The following ATP8A2 variants were observed in gnomAD, a reference collection of about 807,000 sequenced individuals.
ATP8A2 encodes phospholipid-transporting ATPase IB.
In ATP8A2, 100 loss-of-function variants were observed where a neutral mutation model predicts 165.6. The observed-to-expected ratio is 0.60, with a 90% CI of 0.51 to 0.71. ATP8A2 has a LOEUF of 0.71. ATP8A2 is among the 30% of genes least tolerant of loss of function. The pLI is 0.00. For missense variants in ATP8A2, 1,227 were observed against 1,479.5 expected, an observed-to-expected ratio of 0.83 and a Z score of 2.80; for synonymous variants, 543 against 548.8, an observed-to-expected ratio of 0.99 and a Z score of 0.15.
intron 33 of ATP8A2, among the ~76,000 whole-genome samples, chr13:25,949,675 C>T (rs1376387685): frequency 1.3e-5 from 2 of 152,348 alleles, no homozygotes; most frequent in East Asian, 1.9e-4. Context: ...ATCCAGGTGC[C>T]TCTGCAGCCC....
chr13:25,700,690 G>C (rs899703331), intron 25 of ATP8A2, among the ~76,000 whole-genome samples: 1 of 152,118 alleles, frequency 6.6e-6, no homozygotes, highest in South Asian at 2.1e-4. Context: ...CTGTTTGGAC[G>C]TAGGTTTTCG....
At chr13:25,631,887 C>CTTGGTT (rs1360605691) in intron 24 of ATP8A2, among the ~76,000 whole-genome samples, 3 of 150,202 alleles carry the variant, frequency 2.0e-5, no homozygotes, top group African/African-American at 7.3e-5. Flanking sequence ...CATAGCAAAC[C>CTTGGTT]AAGCAGTTTT....
At chr13:25,958,575 G>A (rs909655159) in intron 33 of ATP8A2, among the ~76,000 whole-genome samples, 1 of 152,102 alleles carries the variant, frequency 6.6e-6, no homozygotes, top group Non-Finnish European at 1.5e-5. Flanking sequence ...CCCACCTGAC[G>A]CTCACTTTCC....
At chr13:25,997,154 G>A (rs1449339019) in intron 35 of ATP8A2, among the ~76,000 whole-genome samples, 3 of 152,192 alleles carry the variant, frequency 2.0e-5, no homozygotes, top group Admixed American at 6.5e-5. Context: ...CTGTAAGATC[G>A]TTCTGGTGGT....
intron 33 of ATP8A2, among the ~76,000 whole-genome samples, chr13:25,908,492 G>A (rs928982916): frequency 2.0e-5 from 3 of 152,152 alleles, no homozygotes; most frequent in South Asian, 2.1e-4. Flanking sequence ...AATAGACCAG[G>A]GTGTCCACAA....
chr13:25,598,565 C>T (rs758425750), intron 24 of ATP8A2, among the ~76,000 whole-genome samples: 1 of 152,130 alleles, frequency 6.6e-6, no homozygotes, highest in African/African-American at 2.4e-5. Flanking sequence ...GACTTGTGCA[C>T]GTCAAATTTG....
intron 34 of ATP8A2, among the ~76,000 whole-genome samples, chr13:25,964,849 G>A (rs1369628889): frequency 1.3e-5 from 2 of 152,166 alleles, no homozygotes; most frequent in Admixed American, 1.3e-4. Flanking sequence ...AACTTTGGTG[G>A]TTATCACTCT....
At chr13:25,583,022 T>C (rs1432831319) in intron 23 of ATP8A2, among the ~76,000 whole-genome samples, 1 of 152,220 alleles carries the variant, frequency 6.6e-6, no homozygotes, top group Admixed American at 6.5e-5. Flanking sequence ...CCATAGACTT[T>C]GTCCCTGGAT....
At chr13:25,850,448 G>C (rs1218436929) in intron 30 of ATP8A2, among the ~76,000 whole-genome samples, 3 of 129,018 alleles carry the variant, frequency 2.3e-5, no homozygotes, top group Non-Finnish European at 4.6e-5. Context: ...CTTTTTGCCT[G>C]AAATGTTCTT....
At chr13:25,961,446 G>A in intron 33 of ATP8A2, 129 bp from the exon 34 acceptor site, 1 of 722,558 alleles carries the variant, frequency 1.4e-6, no homozygotes, top group Non-Finnish European at 2.4e-6. Flanking sequence ...CCAGTGCATG[G>A]GTTACCTCTC....
intron 33 of ATP8A2, among the ~76,000 whole-genome samples, chr13:25,902,472 T>C (rs1311376087): frequency 6.6e-6 from 1 of 152,072 alleles, no homozygotes; most frequent in Non-Finnish European, 1.5e-5. Flanking sequence ...AGTATAAATA[T>C]TATGTATCTG....
intron 33 of ATP8A2, among the ~76,000 whole-genome samples, chr13:25,901,956 C>T (rs560759771): frequency 6.6e-6 from 1 of 152,292 alleles, no homozygotes; most frequent in Admixed American, 6.5e-5. Context: ...ATTAGCTGAC[C>T]TACCAAATCT....
At chr13:25,583,461 T>G (rs541476332) in intron 23 of ATP8A2, among the ~76,000 whole-genome samples, 4 of 152,332 alleles carry the variant, frequency 2.6e-5, no homozygotes, top group Admixed American at 2.6e-4. Context: ...GCGTTCCCGC[T>G]GGCCTAATAA....
At chr13:25,970,955 T>C (rs1955897474) in intron 35 of ATP8A2, among the ~76,000 whole-genome samples, 1 of 152,220 alleles carries the variant, frequency 6.6e-6, no homozygotes, top group African/African-American at 2.4e-5. Flanking sequence ...TTGAAAGTCT[T>C]ATTTTCTGGT....
chr13:25,394,187 A>C (rs566093339), intron 1 of ATP8A2, among the ~76,000 whole-genome samples: 21 of 152,312 alleles, frequency 1.4e-4, no homozygotes, highest in Admixed American at 1.3e-3. Context: ...TACAGCCTGT[A>C]GATGAGCTTG....
chr13:25,744,150 T>A (rs1356972382), intron 25 of ATP8A2, among the ~76,000 whole-genome samples: 1 of 152,246 alleles, frequency 6.6e-6, no homozygotes, highest in Non-Finnish European at 1.5e-5. Flanking sequence ...GTGAATTTTC[T>A]TTGGCAATTG....
chr13:25,516,051 A>G (rs1325872332), intron 2 of ATP8A2, among the ~76,000 whole-genome samples: 2 of 152,236 alleles, frequency 1.3e-5, no homozygotes, highest in African/African-American at 4.8e-5. Context: ...TAACTCTACA[A>G]CATGAGGGAC....
intron 24 of ATP8A2, among the ~76,000 whole-genome samples, chr13:25,612,593 A>G (rs1297401003): frequency 1.3e-5 from 2 of 152,166 alleles, no homozygotes; most frequent in African/African-American, 4.8e-5. Context: ...GTGCTGATGA[A>G]TAGAATTTAT....
chr13:25,897,645 C>T (rs1953600549), intron 33 of ATP8A2, among the ~76,000 whole-genome samples: 1 of 152,178 alleles, frequency 6.6e-6, no homozygotes, highest in African/African-American at 2.4e-5. Context: ...AACTTAGTTC[C>T]ATTCTCCCCG....
Sources: gnomAD v4.1 joint callset for allele counts (sites outside exome capture counted in the v4.1 genomes callset) on GRCh38, gnomAD v4.1.1 for gene constraint, MANE v1.5 for transcripts, NCBI Gene and HGNC (gene_info 2026-07-23, HGNC 2026-07-21) for gene names.